The following EZH1 variants were observed in gnomAD, a reference collection of about 807,000 sequenced individuals.
EZH1 encodes histone-lysine N-methyltransferase EZH1.
A neutral mutation model predicts 100.5 loss-of-function variants in EZH1; 33 were observed. That is an observed-to-expected ratio of 0.33 (90% CI 0.25 to 0.44). The LOEUF is 0.44. Ranked by LOEUF, EZH1 falls within the 20% of genes least tolerant of loss-of-function variation. EZH1 has a pLI of 1.00. For synonymous variants in EZH1, 272 were observed against 313.8 expected, an observed-to-expected ratio of 0.87 and a Z score of 1.41; for missense variants, 475 against 928.4, an observed-to-expected ratio of 0.51 and a Z score of 6.35.
chr17:42,726,412 T>G (rs2053822288), intron 4 of EZH1, among the ~76,000 whole-genome samples: 1 of 151,948 alleles, frequency 6.6e-6, no homozygotes, highest in African/African-American at 2.4e-5. Flanking sequence ...TCCCAGGTGT[T>G]GGAGGTTACA....
At chr17:42,702,674 T>TCCCCTCCCACTC in intron 20 of EZH1, 82 bp from the exon 21 acceptor site, 2 of 1,415,434 alleles carry the variant, frequency 1.4e-6, no homozygotes, top group South Asian at 1.2e-5. Flanking sequence ...CCGTTTCACT[T>TCCCCTCCCACTC]CCCCTCCCAC....
At chr17:42,707,698 C>T (rs761299541) in intron 15 of EZH1, among the ~76,000 whole-genome samples, 12 of 152,022 alleles carry the variant, frequency 7.9e-5, no homozygotes, top group Non-Finnish European at 1.6e-4. Context: ...CCCCACATTT[C>T]TTAATTCTCC....
In EZH1 at chr17:42,702,871, C is replaced by A; in HGVS notation, c.2183+6G>T. 6.2e-7 allele frequency: 1 copy of A among 1,613,630 alleles called. No individual in the cohort carries two copies. Among genetic ancestry groups the A allele is most frequent in the Non-Finnish European group, 8.5e-7 (1 of 1,179,554 alleles). On this transcript the variant is annotated splice_donor_region_variant and intron_variant, in intron 20 of 20. Transcript: ENST00000428826. The stretch of plus-strand genomic sequence containing the variant: ...CACATCCCAAGGACCATTACTGGCA[C>A]CTCACCTGTAATCAAAGAAGAGCTC...
intron 5 of EZH1, 38 bp from the exon 6 acceptor site, chr17:42,722,953 A>G: frequency 6.2e-7 from 1 of 1,602,164 alleles, no homozygotes. Context: ...CCATGAAGCC[A>G]TCATGCATCT....
In EZH1 at chr17:42,708,078, A is replaced by C. The variant is rs763625751; in HGVS notation, c.1540T>G (p.Ser514Ala). Residue 514 changes from serine to alanine, a missense_variant, in exon 15 of 21, where the codon TCT becomes GCT. By Grantham distance (99) the Ser-to-Ala change is moderately conservative. Transcript: ENST00000428826. ...TGGTAGTTGTACACTTGTGTGGAAG[A>C]GTTATCTAGGAAAGAAAACAGAGGA... Reference protein sequence around the residue: ...CRKIQLKKDNSSTQVYNYQPC... With the variant: ...CRKIQLKKDNASTQVYNYQPC... 19 of 1,604,012 alleles carry C rather than the reference A, an allele frequency of 1.2e-5. No homozygotes were observed. The Admixed American group carries it at 3.3e-4, about 28-fold the overall frequency.
At chr17:42,726,410 G>A (rs908174323) in intron 4 of EZH1, among the ~76,000 whole-genome samples, 6 of 151,700 alleles carry the variant, frequency 4.0e-5, no homozygotes, top group African/African-American at 1.5e-4. Flanking sequence ...TTTCCCAGGT[G>A]TTGGAGGTTA....
At chr17:42,702,657 T>C in intron 20 of EZH1, 65 bp from the exon 21 acceptor site, 1 of 1,487,290 alleles carries the variant, frequency 6.7e-7, no homozygotes, top group Non-Finnish European at 9.2e-7. Context: ...AAAGGCGGAG[T>C]CCCCTCCCGT....
chr17:42,745,027 CG>C lies in EZH1; in HGVS notation c.-120del. Reference sequence around the variant, plus strand: ...CTCACTCACCCTCCATCCCGAGCCGCGGGTCCCGCTGCTAGGACGCATGCGC... The same window carrying C: ...CTCACTCACCCTCCATCCCGAGCCGCGGTCCCGCTGCTAGGACGCATGCGC... On this transcript the variant is annotated 5_prime_UTR_variant, in exon 1 of 21. Coordinates refer to ENST00000428826, the MANE Select transcript of EZH1 (RefSeq NM_001991.5). 1.6e-6 allele frequency: 2 copies of C among 1,272,742 alleles called. No individual in the cohort carries two copies. Among genetic ancestry groups the C allele is most frequent in the Non-Finnish European group, 2.0e-6 (2 of 982,072 alleles). The allele number at this position is 1,272,742 out of a possible 1,614,324, so 78.8% of individuals were successfully genotyped here.
chr17:42,701,638 A>G lies in EZH1; in HGVS notation c.*894T>C, dbSNP rs537440581. On this transcript the variant is annotated 3_prime_UTR_variant, in exon 21 of 21. Transcript: ENST00000428826. ...ATGGAAGGCCTGAAAACACCCACAA[A>G]TCCAGCGAGCCAGGATGCTCACACC... The G allele has an allele frequency of 6.5e-6, 1 of 152,886 alleles. No individual in the cohort carries two copies. The highest frequency in any genetic ancestry group is 2.4e-5 in the African/African-American group (1 of 41,548). The allele number at this position is 152,886 out of a possible 1,614,324, so 9.5% of individuals were successfully genotyped here. A position where few individuals can be genotyped will look rare whatever the true frequency, so the allele number is the denominator to read the frequency against.
Position 42,728,852 on chromosome 17 carries a change from T to C in EZH1, c.90A>G (p.Lys30=). 1 of 1,613,650 alleles carries C rather than the reference T, an allele frequency of 6.2e-7. No individual in the cohort carries two copies. The highest frequency in any genetic ancestry group is 1.1e-5 in the South Asian group (1 of 90,972). The change falls in exon 3 of 21, where the codon AAA becomes AAG. Residue 30 remains lysine, a synonymous_variant. Transcript: ENST00000428826. ...TTGCACCCATATTTGCCTGAAGCCG[T>C]TTAAGTTGTCGAAGTCGCATGTATT... ...KSEYMRLRQL[K]RLQANMGAKA...
intron 10 of EZH1, among the ~76,000 whole-genome samples, chr17:42,715,270 TTA>T (rs554934129): frequency 6.9e-6 from 1 of 144,804 alleles, no homozygotes; most frequent in African/African-American, 2.5e-5. Context: ...TTATATGTAT[TTA>T]TATATATATA....
At chr17:42,709,743 G>A in intron 13 of EZH1, 103 bp downstream of exon 13, 1 of 1,049,502 alleles carries the variant, frequency 9.5e-7, no homozygotes, top group Non-Finnish European at 1.4e-6. Context: ...CACACAGCCT[G>A]TGCGGTTGCT....
At chr17:42,740,396 C>T (rs369068634) in intron 1 of EZH1, among the ~76,000 whole-genome samples, 4 of 152,106 alleles carry the variant, frequency 2.6e-5, no homozygotes, top group Non-Finnish European at 4.4e-5. Context: ...CAAGCCACCA[C>T]GCCCAGCTAA....
intron 10 of EZH1, 147 bp downstream of exon 10, chr17:42,717,829 A>G: frequency 3.1e-6 from 2 of 649,266 alleles, no homozygotes; most frequent in Non-Finnish European, 5.4e-6. Context: ...GTTCCTTAAG[A>G]GCGGTCCCAC....
rs552682973 is a variant in EZH1, at chr17:42,705,252, A to C, written c.1840-69T>G. ...AGTAGGGGGTGTGTGCTGGATGTGC[A>C]CATGTGTGGTGGGGGTGGGGTGGAA... is the stretch of plus-strand genomic sequence containing the variant. On this transcript the variant is annotated intron_variant, in intron 16 of 20. Coordinates refer to ENST00000428826, the MANE Select transcript of EZH1 (RefSeq NM_001991.5). 1.2e-4 allele frequency: 89 copies of C among 766,710 alleles called. 1 individual carries two copies. The South Asian group carries it at 1.3e-3, about 11-fold the overall frequency. 47.5% of individuals were successfully genotyped at this position (766,710 alleles called of 1,614,324 possible).
At chr17:42,712,623 C>G in intron 11 of EZH1, 138 bp from the exon 12 acceptor site, 1 of 897,542 alleles carries the variant, frequency 1.1e-6, no homozygotes, top group South Asian at 1.8e-5. Flanking sequence ...TATCTTTAGG[C>G]CAGGCATGGT....
In EZH1 at chr17:42,718,966, A is replaced by C. The variant is rs146000238; in HGVS notation, c.767+139T>G. 6.9e-4 allele frequency: 476 copies of C among 686,612 alleles called. 2 individuals carry two copies. In the African/African-American group the frequency reaches 7.1e-3, roughly 10 times the overall value. 42.5% of individuals were successfully genotyped at this position (686,612 alleles called of 1,614,324 possible). A position where few individuals can be genotyped will look rare whatever the true frequency, so the allele number is the denominator to read the frequency against. ...GGGGGGCATTTAGAGGTAATTGAGTAAGCAAGAAATAATCAAATTGCGGGC... is the reference window on the plus strand; with the variant it reads ...GGGGGGCATTTAGAGGTAATTGAGTCAGCAAGAAATAATCAAATTGCGGGC... On this transcript the variant is annotated intron_variant, in intron 8 of 20. Transcript: ENST00000428826. The surrounding 1 kb of genome is among the most constrained non-coding windows in gnomAD (Gnocchi z 4.2).
intron 2 of EZH1, chr17:42,729,302 G>A (rs546303525): frequency 5.0e-6 from 1 of 198,274 alleles, no homozygotes; most frequent in East Asian, 1.6e-4. Context: ...AGCTACTCAG[G>A]AGGCTGATGT....
At chr17:42,703,630 T>A (rs2053289797) in intron 19 of EZH1, 110 bp downstream of exon 19, 2 of 773,372 alleles carry the variant, frequency 2.6e-6, no homozygotes, top group African/African-American at 1.7e-5. Flanking sequence ...TAATCATGAT[T>A]ATCTTTGGAC....
Sources: gnomAD v4.1 joint callset for allele counts (sites outside exome capture counted in the v4.1 genomes callset) on GRCh38, gnomAD v4.1.1 for gene constraint, Gnocchi (gnomAD v3.1) non-coding constraint, MANE v1.5 for transcripts, NCBI Gene and HGNC (gene_info 2026-07-23, HGNC 2026-07-21) for gene names.